Variants in ZHX3 observed in about 807,000 individuals in gnomAD.
The protein encoded by ZHX3 is zinc fingers and homeoboxes protein 3.
A neutral mutation model predicts 64.5 loss-of-function variants in ZHX3; 20 were observed. That is an observed-to-expected ratio of 0.31 (90% confidence interval 0.22 to 0.45). ZHX3 has a LOEUF of 0.45. Among genes scored for constraint, ZHX3 ranks in the 20% least tolerant of loss-of-function variants. The pLI is 1.00. For synonymous variants in ZHX3, 423 were observed against 461.6 expected (o/e 0.92, Z 1.07); for missense variants, 1,041 against 1,195.8 (o/e 0.87, Z 1.91).
rs750599353 is a variant in ZHX3, at chr20:41,204,215, A to G, written c.702T>C (p.Asn234=). The G allele has an allele frequency of 6.2e-7, 1 of 1,612,898 alleles. No homozygotes were observed. The highest frequency in any genetic ancestry group is 8.5e-7 in the Non-Finnish European group (1 of 1,179,370). The part of the protein sequence containing the change: ...EVREGDHSFI[N]GAVPVSQASA... ...ATGCCTGGCTGACTGGAACTGCCCCATTGATGAAGGAATGGTCCCCCTCTC... is the reference window on the plus strand; with the variant it reads ...ATGCCTGGCTGACTGGAACTGCCCCGTTGATGAAGGAATGGTCCCCCTCTC... Residue 234 remains asparagine (N), a synonymous_variant, in exon 3 of 4, where the codon AAT becomes AAC. Transcript: ENST00000683867. This position sits in a 1 kb window ranked among gnomAD's most constrained non-coding sequence, Gnocchi z 6.6.
intron 2 of ZHX3, among the ~76,000 whole-genome samples, chr20:41,241,938 C>G (rs6129778): frequency 0.02 from 3,100 of 151,932 alleles, 44 homozygotes; most frequent in Non-Finnish European, 0.034. Flanking sequence ...AAATCATGAC[C>G]TCTAGAGTGT....
In ZHX3 at chr20:41,212,524, G is replaced by A. The variant is rs117705946; in HGVS notation, c.-150-7458C>T. 0.071 allele frequency among the ~76,000 whole-genome samples: 10,790 copies of A among 152,182 alleles called. 410 individuals are homozygous for A. Among genetic ancestry groups the A allele is most frequent in the Middle Eastern group, 0.17 (50 of 294 alleles). On this transcript the variant is annotated intron_variant, in intron 2 of 3. Coordinates refer to ENST00000683867, the MANE Select transcript of ZHX3 (RefSeq NM_001384317.1). The surrounding 1 kb of genome is among the most constrained non-coding windows in gnomAD (Gnocchi z 4.3). ...ATAAGATCCAGCAATTTGGCCGGGC[G>A]CAGTGGCTCACACCTGTAATCCTAG...
At chr20:41,217,610 T>C (rs900271251) in intron 2 of ZHX3, among the ~76,000 whole-genome samples, 22 of 152,320 alleles carry the variant, frequency 1.4e-4, no homozygotes, top group African/African-American at 5.1e-4. Context: ...AGTAAATCAG[T>C]TGGCTTGCTG....
chr20:41,312,397 C>T (rs891362230), intron 1 of ZHX3, among the ~76,000 whole-genome samples: 4 of 152,138 alleles, frequency 2.6e-5, no homozygotes, highest in East Asian at 1.9e-4. Flanking sequence ...TTTGTTTTTT[C>T]GCTCTTCACA....
At chr20:41,266,694 C>T (rs538603214) in intron 2 of ZHX3, among the ~76,000 whole-genome samples, 169 of 150,290 alleles carry the variant, frequency 1.1e-3, no homozygotes, top group Non-Finnish European at 2.2e-3. Context: ...TACAGGCGCG[C>T]GCCACTGCGC....
At chr20:41,229,067 C>T (rs371052781) in intron 2 of ZHX3, among the ~76,000 whole-genome samples, 2 of 152,172 alleles carry the variant, frequency 1.3e-5, no homozygotes, top group African/African-American at 4.8e-5. Flanking sequence ...ACAATAACTC[C>T]CATTTCCTGC....
At chr20:41,250,375 G>A (rs879490128) in intron 2 of ZHX3, among the ~76,000 whole-genome samples, 8 of 152,308 alleles carry the variant, frequency 5.3e-5, no homozygotes, top group Admixed American at 3.3e-4. Context: ...CAAAATGTCC[G>A]AAGTAGATTT....
At chr20:41,259,005 A>G (rs1347112541) in intron 2 of ZHX3, among the ~76,000 whole-genome samples, 1 of 152,182 alleles carries the variant, frequency 6.6e-6, no homozygotes, top group Non-Finnish European at 1.5e-5. Context: ...TATTAAAAAA[A>G]AACCACATTT....
Position 41,260,992 on chromosome 20 carries a change from T to C in ZHX3, c.-151+7998A>G, listed in dbSNP as rs62208465. On this transcript the variant is annotated intron_variant, in intron 2 of 3. Transcript: ENST00000683867. ...TCATCTACAGGAAAGATACAATCTA[T>C]GAATTAGAGTTCTGGAGGAAACTGA... 6.7e-3 allele frequency among the ~76,000 whole-genome samples: 1,026 copies of C among 152,306 alleles called. 8 individuals are homozygous for C. Among genetic ancestry groups the C allele is most frequent in the Middle Eastern group, 0.024 (7 of 294 alleles).
rs563964681 is a variant in ZHX3 at position 41,271,239 on chromosome 20, C to T, written c.-244-2156G>A. 9.2e-5 allele frequency among the ~76,000 whole-genome samples: 14 copies of T among 152,212 alleles called. No homozygotes were observed. In the South Asian group the frequency reaches 2.7e-3, roughly 29 times the overall value. Reference sequence around the variant, plus strand: ...TTTCACCATGTTGGCCAGATGGTCTCGATCTCTTGACCTCGTGATCCACCC... The same window carrying T: ...TTTCACCATGTTGGCCAGATGGTCTTGATCTCTTGACCTCGTGATCCACCC... On this transcript the variant is annotated intron_variant, in intron 1 of 3. Transcript: ENST00000683867.
At chr20:41,217,363 T>C (rs1012241908) in intron 2 of ZHX3, among the ~76,000 whole-genome samples, 9 of 152,292 alleles carry the variant, frequency 5.9e-5, no homozygotes, top group African/African-American at 2.2e-4. Context: ...GGTTGGGATA[T>C]ATATGGCTCA....
rs1292392198 is a variant in ZHX3 at position 41,182,045 on chromosome 20, C to T, written c.*3146G>A. The T allele has an allele frequency of 2.0e-5, 3 of 152,150 alleles. No individual in the cohort carries two copies. The highest frequency in any genetic ancestry group is 7.2e-5 in the African/African-American group (3 of 41,424). The allele number at this position is 152,150 out of a possible 1,614,324, so 9.4% of individuals were successfully genotyped here. On this transcript the variant is annotated 3_prime_UTR_variant, in exon 4 of 4. Coordinates refer to ENST00000683867, the MANE Select transcript of ZHX3 (RefSeq NM_001384317.1). This position sits in a 1 kb window ranked among gnomAD's most constrained non-coding sequence, Gnocchi z 6.1. ...TTCTCAAAAATGACACTCCTCCCCT[C>T]CCAAAATAAAAAAGCTCCTTTATAG... is the stretch of plus-strand genomic sequence containing the variant.
At chr20:41,216,974 T>A (rs962249024) in intron 2 of ZHX3, among the ~76,000 whole-genome samples, 2 of 152,308 alleles carry the variant, frequency 1.3e-5, no homozygotes, top group South Asian at 2.1e-4. Context: ...TCATTGACGA[T>A]TTTGTATAAA....
At chr20:41,314,931 A>G (rs780776052) in intron 1 of ZHX3, among the ~76,000 whole-genome samples, 14 of 152,234 alleles carry the variant, frequency 9.2e-5, no homozygotes, top group Non-Finnish European at 1.6e-4. Context: ...CGGTGAAAAA[A>G]AAGTCTCACA....
At chr20:41,259,052 A>G (rs1432393336) in intron 2 of ZHX3, among the ~76,000 whole-genome samples, 1 of 152,192 alleles carries the variant, frequency 6.6e-6, no homozygotes, top group East Asian at 1.9e-4. Flanking sequence ...GAGCTCTCAT[A>G]ACCCCACCTT....
At chr20:41,305,657 G>A (rs928647850) in intron 1 of ZHX3, among the ~76,000 whole-genome samples, 1 of 151,790 alleles carries the variant, frequency 6.6e-6, no homozygotes, top group African/African-American at 2.4e-5. Flanking sequence ...GGTGGCGGGC[G>A]CCTGTAGTCC....
At chr20:41,301,438 T>C (rs1240845689) in intron 1 of ZHX3, among the ~76,000 whole-genome samples, 3 of 152,208 alleles carry the variant, frequency 2.0e-5, no homozygotes, top group Admixed American at 6.5e-5. Flanking sequence ...GGACCTGCTT[T>C]GCGCTCCAGT....
chr20:41,282,379 T>C (rs1023117522), intron 1 of ZHX3, among the ~76,000 whole-genome samples: 7 of 146,920 alleles, frequency 4.8e-5, no homozygotes, highest in African/African-American at 1.1e-4. Flanking sequence ...TTTTTTTTTT[T>C]TGCGAAGTCT....
In ZHX3 at chr20:41,298,688, C is replaced by A. The variant is rs548652321; in HGVS notation, c.-245+18821G>T. ...AGCCAGGAGTAAGTTTAGTAAGGGA[C>A]TGAACCATTAAAATGCTAACAAAAC... On this transcript the variant is annotated intron_variant, in intron 1 of 3. Coordinates refer to ENST00000683867, the MANE Select transcript of ZHX3 (RefSeq NM_001384317.1). Among the ~76,000 whole-genome samples the A allele has an allele frequency of 5.3e-5, 8 of 152,248 alleles. No individual in the cohort carries two copies. In the South Asian group the frequency reaches 1.2e-3, roughly 24 times the overall value.
Sources: allele counts gnomAD v4.1 joint callset (sites outside exome capture counted in the v4.1 genomes callset), GRCh38; gene constraint gnomAD v4.1.1; non-coding constraint Gnocchi (gnomAD v3.1); transcripts MANE v1.5; gene names NCBI Gene and HGNC (gene_info 2026-07-23, HGNC 2026-07-21).